The following SHISA6 variants were observed in gnomAD, a reference collection of about 807,000 sequenced individuals.
The protein encoded by SHISA6 is shisa family member 6.
SHISA6 carries 22 observed loss-of-function variants against 47.9 expected under a neutral mutation model. The ratio of observed to expected loss-of-function variants is 0.46; its 90% CI spans 0.33 to 0.66. SHISA6 has a LOEUF of 0.66. Among genes scored for constraint, SHISA6 ranks in the 30% least tolerant of loss-of-function variants. The pLI, the probability that SHISA6 is intolerant of heterozygous loss-of-function variation, is 0.02. For synonymous variants in SHISA6, 388 were observed against 337.8 expected (o/e 1.15, Z -1.63); for missense variants, 680 against 764.6 (o/e 0.89, Z 1.30).
In SHISA6 at chr17:11,269,900, T is replaced by C. The variant is rs186498380; in HGVS notation, c.799+6374T>C. On this transcript the variant is annotated intron_variant, in intron 2 of 5. Transcript: ENST00000441885. The stretch of plus-strand genomic sequence containing the variant: ...ACAATTTTAAGTCTTCACTCTCCAA[T>C]ATATTGGTTCCTAGCCACATGCGAC... Among the ~76,000 whole-genome samples, 26 of 152,298 alleles carry C rather than the reference T, an allele frequency of 1.7e-4. No homozygotes were observed. In the East Asian group the frequency reaches 5.0e-3, roughly 29 times the overall value.
intron 2 of SHISA6, among the ~76,000 whole-genome samples, chr17:11,329,812 A>T (rs1382208991): frequency 6.6e-6 from 1 of 152,140 alleles, no homozygotes; most frequent in Non-Finnish European, 1.5e-5. Context: ...AATATAGGTT[A>T]TGTGAAAGAG....
intron 3 of SHISA6, among the ~76,000 whole-genome samples, chr17:11,394,391 CACAAT>C (rs2142258352): frequency 6.6e-6 from 1 of 152,336 alleles, no homozygotes; most frequent in Admixed American, 6.5e-5. Context: ...TGTGCTGAGA[CACAAT>C]GCATCTGTGC....
intron 3 of SHISA6, among the ~76,000 whole-genome samples, chr17:11,549,219 C>T (rs948405084): frequency 2.6e-5 from 4 of 152,010 alleles, no homozygotes; most frequent in Admixed American, 2.0e-4. Flanking sequence ...CATCCACAGG[C>T]GGAAGGTAAT....
At position 11,513,583 on chromosome 17, in the gene SHISA6, C is replaced by T. The variant is rs76727674; in HGVS notation, c.896-38313C>T. 9.6e-4 allele frequency among the ~76,000 whole-genome samples: 146 copies of T among 152,280 alleles called. 1 individual carries two copies. In the East Asian group the frequency reaches 0.02, roughly 21 times the overall value. Reference sequence around the variant, plus strand: ...TGCATAAATCCTTTCCCATCTTCCACGGAATGATATGCTTGAGAACTTGTT... The same window carrying T: ...TGCATAAATCCTTTCCCATCTTCCATGGAATGATATGCTTGAGAACTTGTT... On this transcript the variant is annotated intron_variant, in intron 3 of 5. Transcript: ENST00000441885.
At chr17:11,476,806 G>T (rs1365520568) in intron 3 of SHISA6, among the ~76,000 whole-genome samples, 2 of 152,002 alleles carry the variant, frequency 1.3e-5, no homozygotes, top group East Asian at 3.8e-4. Context: ...GTTTAACTAG[G>T]TCCTTAATAA....
In SHISA6 at chr17:11,440,047, G is replaced by C. The variant is rs80327870; in HGVS notation, c.895+60538G>C. 5.8e-4 allele frequency among the ~76,000 whole-genome samples: 88 copies of C among 152,312 alleles called. No homozygotes were observed. In the East Asian group the frequency reaches 0.013, roughly 22 times the overall value. ...GAGGCAGCCTGAGGGTCCTGGGTCT[G>C]CTAACACAGTTAATTCAATTCATTC... On this transcript the variant is annotated intron_variant, in intron 3 of 5. Coordinates refer to ENST00000441885, the MANE Select transcript of SHISA6 (RefSeq NM_207386.4).
At chr17:11,481,795 A>G (rs180919428) in intron 3 of SHISA6, among the ~76,000 whole-genome samples, 20 of 152,136 alleles carry the variant, frequency 1.3e-4, no homozygotes, top group Admixed American at 1.2e-3. Flanking sequence ...CTGGCCCCTG[A>G]AGATATATTT....
chr17:11,365,486 C>A (rs1912420336), intron 2 of SHISA6, among the ~76,000 whole-genome samples: 1 of 152,156 alleles, frequency 6.6e-6, no homozygotes, highest in African/African-American at 2.4e-5. Context: ...CCATGTTGGC[C>A]AGGCTGGTCT....
In SHISA6 at chr17:11,278,483, G is replaced by A. The variant is rs1414812871; in HGVS notation, c.799+14957G>A. Among the ~76,000 whole-genome samples the A allele has an allele frequency of 2.6e-5, 4 of 152,206 alleles. No homozygotes were observed. In the East Asian group the frequency reaches 7.7e-4, roughly 29 times the overall value. Reference sequence around the variant, plus strand: ...GAGTGAAGATAAGGCAATCACTTTAGATTATTCAGAAGTTTTACAAGATGC... The same window carrying A: ...GAGTGAAGATAAGGCAATCACTTTAAATTATTCAGAAGTTTTACAAGATGC... On this transcript the variant is annotated intron_variant, in intron 2 of 5. Coordinates refer to ENST00000441885, the MANE Select transcript of SHISA6 (RefSeq NM_207386.4).
At chr17:11,408,187 T>C (rs1914018072) in intron 3 of SHISA6, among the ~76,000 whole-genome samples, 1 of 152,170 alleles carries the variant, frequency 6.6e-6, no homozygotes, top group Admixed American at 6.5e-5. Context: ...TTCACAATAG[T>C]TTCTATGTTC....
intron 2 of SHISA6, among the ~76,000 whole-genome samples, chr17:11,362,814 GCCT>G (rs2142230950): frequency 6.6e-6 from 1 of 152,234 alleles, no homozygotes; most frequent in East Asian, 1.9e-4. Context: ...TGGATCAGAG[GCCT>G]CCTAAACCCA....
chr17:11,339,405 G>A, intron 2 of SHISA6, among the ~76,000 whole-genome samples: 1 of 146,248 alleles, frequency 6.8e-6, no homozygotes, highest in East Asian at 2.0e-4. Context: ...CAAAGTGGTA[G>A]AATTATGAGG....
In SHISA6 at chr17:11,559,366, C is replaced by G. The variant is rs574751828; in HGVS notation, c.*1062C>G. ...CGCATCCTGCAGGGCTCCACCTGTTCCCACATGCACCTCCGGCAGGACCTA... is the reference window on the plus strand; with the variant it reads ...CGCATCCTGCAGGGCTCCACCTGTTGCCACATGCACCTCCGGCAGGACCTA... On this transcript the variant is annotated 3_prime_UTR_variant, in exon 6 of 6. Transcript: ENST00000441885. The surrounding 1 kb of genome is among the most constrained non-coding windows in gnomAD (Gnocchi z 4.4). 3.3e-5 allele frequency: 5 copies of G among 152,304 alleles called. No homozygotes were observed. The highest frequency in any genetic ancestry group is 1.2e-4 in the African/African-American group (5 of 41,440). The allele number at this position is 152,304 out of a possible 1,614,324, so 9.4% of individuals were successfully genotyped here.
At chr17:11,504,491 A>T (rs2071481851) in intron 3 of SHISA6, among the ~76,000 whole-genome samples, 1 of 152,148 alleles carries the variant, frequency 6.6e-6, no homozygotes, top group Admixed American at 6.5e-5. Context: ...TTTTGACATG[A>T]TCCTATTGTT....
At chr17:11,421,488 T>G (rs1597504849) in intron 3 of SHISA6, among the ~76,000 whole-genome samples, 1 of 152,218 alleles carries the variant, frequency 6.6e-6, no homozygotes, top group African/African-American at 2.4e-5. Flanking sequence ...GGCTGGTCCC[T>G]GCAGCACTGC....
chr17:11,464,886 G>A (rs1048585420), intron 3 of SHISA6, among the ~76,000 whole-genome samples: 1 of 150,776 alleles, frequency 6.6e-6, no homozygotes, highest in African/African-American at 2.4e-5. Flanking sequence ...AGGTTGCAGT[G>A]AGCCAAGATC....
intron 3 of SHISA6, among the ~76,000 whole-genome samples, chr17:11,525,746 T>G (rs1431554031): frequency 6.6e-6 from 1 of 151,002 alleles, no homozygotes; most frequent in Non-Finnish European, 1.5e-5. Flanking sequence ...CTGGGTCTGG[T>G]GGCTCGCACC....
intron 2 of SHISA6, among the ~76,000 whole-genome samples, chr17:11,325,948 G>C (rs1401888291): frequency 6.6e-6 from 1 of 152,186 alleles, no homozygotes; most frequent in Non-Finnish European, 1.5e-5. Flanking sequence ...TGTTGATTCA[G>C]TGACTGGGTG....
rs555191167 is a variant in SHISA6 at position 11,341,181 on chromosome 17, C to T, written c.800-38233C>T. ...GGGACCCAGGATTGAGTTTGTCTCACGACTCACAGTTCCACCATTCTACAG... is the reference window on the plus strand; with the variant it reads ...GGGACCCAGGATTGAGTTTGTCTCATGACTCACAGTTCCACCATTCTACAG... On this transcript the variant is annotated intron_variant, in intron 2 of 5. Coordinates refer to ENST00000441885, the MANE Select transcript of SHISA6 (RefSeq NM_207386.4). 3.9e-5 allele frequency among the ~76,000 whole-genome samples: 6 copies of T among 152,250 alleles called. No individual in the cohort carries two copies. In the South Asian group the frequency reaches 6.2e-4, roughly 16 times the overall value.
Sources: gnomAD v4.1 joint callset for allele counts (sites outside exome capture counted in the v4.1 genomes callset) on GRCh38, gnomAD v4.1.1 for gene constraint, Gnocchi (gnomAD v3.1) non-coding constraint, MANE v1.5 for transcripts, NCBI Gene and HGNC (gene_info 2026-07-23, HGNC 2026-07-21) for gene names.